The following GRIK2 variants were observed in gnomAD, a reference collection of about 807,000 sequenced individuals.
The protein encoded by GRIK2 is glutamate receptor ionotropic, kainate 2.
In GRIK2, 32 loss-of-function variants were observed where a neutral mutation model predicts 100.3. That is an observed-to-expected ratio of 0.32 (90% CI 0.24 to 0.43). The LOEUF (loss-of-function observed/expected upper bound fraction) is 0.43, where lower values mean the gene tolerates loss of function less well. GRIK2 is among the 20% of genes least tolerant of loss of function. The pLI, the probability that GRIK2 is intolerant of heterozygous loss-of-function variation, is 1.00. For missense variants in GRIK2, 843 were observed against 1,114.9 expected, an observed-to-expected ratio of 0.76 and a Z score of 3.47; for synonymous variants, 417 against 389.4, an observed-to-expected ratio of 1.07 and a Z score of -0.83.
intron 4 of GRIK2, among the ~76,000 whole-genome samples, chr6:101,640,654 A>G (rs187352209): frequency 9.9e-5 from 15 of 152,278 alleles, no homozygotes; most frequent in Middle Eastern, 3.4e-3. Flanking sequence ...TTCCATGTGT[A>G]TTAAAAACAT....
chr6:101,707,111 G>A (rs1773356920), intron 7 of GRIK2, among the ~76,000 whole-genome samples: 1 of 151,702 alleles, frequency 6.6e-6, no homozygotes, highest in Non-Finnish European at 1.5e-5. Flanking sequence ...AATTTAAAAA[G>A]CAACAACAAA....
Position 101,777,483 on chromosome 6 carries a change from AT to A in GRIK2, c.952-22157del, listed in dbSNP as rs547203641. The stretch of plus-strand genomic sequence containing the variant: ...ATCTAACTAAAGAACTAACATTTGT[AT>A]TTTTTTTCCTGAAACTATCTGATTT... On this transcript the variant is annotated intron_variant, in intron 7 of 16. Transcript: ENST00000369134. 7.2e-4 allele frequency among the ~76,000 whole-genome samples: 109 copies of A among 152,148 alleles called. No homozygotes were observed. In the South Asian group the frequency reaches 0.021, roughly 29 times the overall value.
intron 7 of GRIK2, among the ~76,000 whole-genome samples, chr6:101,747,179 C>T (rs1277009621): frequency 6.6e-6 from 1 of 152,142 alleles, no homozygotes; most frequent in African/African-American, 2.4e-5. Context: ...TTTTTCCTTT[C>T]CTAAATCACA....
chr6:101,734,230 A>T (rs1775482348), intron 7 of GRIK2, among the ~76,000 whole-genome samples: 1 of 152,192 alleles, frequency 6.6e-6, no homozygotes, highest in South Asian at 2.1e-4. Context: ...GGAGACTAAG[A>T]AGTTCCAAGA....
chr6:102,058,870 A>G (rs1478252459), intron 16 of GRIK2, among the ~76,000 whole-genome samples: 1 of 151,440 alleles, frequency 6.6e-6, no homozygotes, highest in Non-Finnish European at 1.5e-5. Context: ...AGTTTGTCAG[A>G]TATGTCAGAT....
At chr6:101,906,893 C>G (rs1788269889) in intron 12 of GRIK2, among the ~76,000 whole-genome samples, 1 of 151,824 alleles carries the variant, frequency 6.6e-6, no homozygotes, top group South Asian at 2.1e-4. Context: ...TGCTATTTTT[C>G]CTCATATGTT....
At chr6:101,910,044 A>T (rs2128465148) in intron 12 of GRIK2, among the ~76,000 whole-genome samples, 1 of 150,960 alleles carries the variant, frequency 6.6e-6, no homozygotes, top group Non-Finnish European at 1.5e-5. Flanking sequence ...TATTATTAAA[A>T]CTCTTAGTAT....
chr6:101,671,838 T>C (rs73510632), intron 4 of GRIK2, among the ~76,000 whole-genome samples: 22,825 of 152,108 alleles, frequency 0.15, 2,993 homozygotes, highest in African/African-American at 0.36. Context: ...CACTCCAGCC[T>C]GGGTGAGAGT....
At chr6:101,591,892 C>T (rs67824213) in intron 2 of GRIK2, among the ~76,000 whole-genome samples, 26,538 of 151,922 alleles carry the variant, frequency 0.17, 2,839 homozygotes, top group African/African-American at 0.29. Context: ...CTCTAAATCT[C>T]ATGTTGAAAT....
intron 12 of GRIK2, among the ~76,000 whole-genome samples, chr6:101,914,405 G>C (rs1378563837): frequency 2.0e-5 from 3 of 151,422 alleles, no homozygotes; most frequent in African/African-American, 4.8e-5. Context: ...AATGGGTTGA[G>C]CACTGGTGAG....
At chr6:101,807,574 A>T (rs1467292989) in intron 9 of GRIK2, among the ~76,000 whole-genome samples, 1 of 151,916 alleles carries the variant, frequency 6.6e-6, no homozygotes, top group African/African-American at 2.4e-5. Flanking sequence ...TCATAGTGGA[A>T]AGAAATGAAG....
At chr6:101,614,001 C>G (rs1219129089) in intron 2 of GRIK2, among the ~76,000 whole-genome samples, 6 of 151,586 alleles carry the variant, frequency 4.0e-5, no homozygotes. Flanking sequence ...TGCTGGAGCT[C>G]TCCAGAGAGG....
Position 101,676,785 on chromosome 6 carries a change from C to T in GRIK2, c.704C>T (p.Ala235Val), listed in dbSNP as rs1770874027. Residue 235 changes from alanine (A) to valine (V), a missense_variant, in exon 5 of 17, where the codon GCA becomes GTA. Physicochemically the swap from Ala to Val is moderately conservative, Grantham distance 64. This residue lies in a region of GRIK2 where 519 missense variants were observed against 643.8 expected (regional missense o/e 0.81). Transcript: ENST00000369134. ...ATCTTTGATTGTAGCCATGAAATGG[C>T]AGCAGGCATTTTAAAACAGGTAACC... is the stretch of plus-strand genomic sequence containing the variant. ...HVIFDCSHEM[A>V]AGILKQALAM... The T allele has an allele frequency of 6.2e-7, 1 of 1,600,958 alleles. No individual in the cohort carries two copies. Among genetic ancestry groups the T allele is most frequent in the Non-Finnish European group, 8.5e-7 (1 of 1,173,658 alleles).
intron 14 of GRIK2, among the ~76,000 whole-genome samples, chr6:102,031,107 ACACACACACACACACACACACC>A (rs1212077071): frequency 8.4e-5 from 12 of 142,280 alleles, no homozygotes; most frequent in African/African-American, 1.5e-4. Flanking sequence ...ACACACACAC[ACACACACACACACACACACACC>A]CCCTTTGAGT....
chr6:101,754,472 C>T (rs1776998350), intron 7 of GRIK2, among the ~76,000 whole-genome samples: 1 of 152,182 alleles, frequency 6.6e-6, no homozygotes, highest in Admixed American at 6.5e-5. Flanking sequence ...TGATTTGGGG[C>T]ATTTCAATTA....
intron 14 of GRIK2, among the ~76,000 whole-genome samples, chr6:101,980,401 A>C (rs1793642174): frequency 6.6e-6 from 1 of 152,082 alleles, no homozygotes; most frequent in East Asian, 1.9e-4. Context: ...GGAGTTTCTT[A>C]GATTTATAAA....
intron 7 of GRIK2, among the ~76,000 whole-genome samples, chr6:101,695,519 C>G (rs1053411617): frequency 2.0e-5 from 3 of 151,926 alleles, no homozygotes; most frequent in African/African-American, 4.8e-5. Context: ...ATATTCATAC[C>G]TATATTTATC....
chr6:101,647,949 T>G (rs890147614), intron 4 of GRIK2, among the ~76,000 whole-genome samples: 6 of 151,976 alleles, frequency 3.9e-5, no homozygotes, highest in Non-Finnish European at 8.8e-5. Flanking sequence ...GGGGGGCTAT[T>G]TTTTGTAAAA....
intron 7 of GRIK2, among the ~76,000 whole-genome samples, chr6:101,724,734 G>A (rs1281847219): frequency 1.3e-5 from 2 of 151,936 alleles, no homozygotes; most frequent in East Asian, 3.9e-4. Context: ...TTTAGAAATT[G>A]GTATCTGGTT....
Sources: allele counts gnomAD v4.1 joint callset (sites outside exome capture counted in the v4.1 genomes callset), GRCh38; gene constraint gnomAD v4.1.1; regional missense constraint gnomAD v4.1.1; transcripts MANE v1.5; gene names NCBI Gene and HGNC (gene_info 2026-07-23, HGNC 2026-07-21).